Variants in CACNA1S observed in about 807,000 individuals in gnomAD.
The protein encoded by CACNA1S is calcium voltage-gated channel subunit alpha1 S.
CACNA1S carries 126 observed loss-of-function variants against 207.4 expected under a neutral mutation model. The observed-to-expected ratio is 0.61, with a 90% CI of 0.53 to 0.70. The LOEUF (loss-of-function observed/expected upper bound fraction) is 0.70. CACNA1S is among the 30% of genes least tolerant of loss of function. The pLI is 0.00. For missense variants in CACNA1S, 2,349 were observed against 2,422.8 expected (o/e 0.97, Z 0.64); for synonymous variants, 960 against 932.7 (o/e 1.03, Z -0.53).
At position 201,047,514 on chromosome 1, in the gene CACNA1S, G is replaced by C; in HGVS notation, c.4543+11C>G. 6.2e-7 allele frequency: 1 copy of C among 1,607,004 alleles called. No homozygotes were observed. Among genetic ancestry groups the C allele is most frequent in the Non-Finnish European group, 8.5e-7 (1 of 1,173,596 alleles). On this transcript the variant is annotated intron_variant, in intron 37 of 43. Coordinates refer to ENST00000362061, the MANE Select transcript of CACNA1S (RefSeq NM_000069.3). Reference sequence around the variant, plus strand: ...TGCTTCTGGACTCTGGTCCCCCAAAGTAGCACCTACCTCCTATTGGAGGGA... The same window carrying C: ...TGCTTCTGGACTCTGGTCCCCCAAACTAGCACCTACCTCCTATTGGAGGGA...
chr1:201,041,936 G>C (rs1660243578), intron 40 of CACNA1S: 2 of 385,002 alleles, frequency 5.2e-6, no homozygotes, highest in Non-Finnish European at 9.9e-6. Flanking sequence ...GCTCAAAGGT[G>C]AGTGGTGGCT....
At position 201,040,323 on chromosome 1, in the gene CACNA1S, C is replaced by A. The variant is rs1660103518; in HGVS notation, c.5278G>T (p.Gly1760Trp). 2 of 1,613,860 alleles carry A rather than the reference C, an allele frequency of 1.2e-6. No homozygotes were observed. Among genetic ancestry groups the A allele is most frequent in the South Asian group, 1.1e-5 (1 of 91,034 alleles). ...TGGGGTGTCTCCTCATGAAGAGACC[C>A]TGGTGTGGAGCTCTTTCTGTCCTCA... ...MPEDRKSSTPGSLHEETPHSR... is the reference protein window; with the variant it reads ...MPEDRKSSTPWSLHEETPHSR... The change falls in exon 43 of 44, where the codon GGG (glycine) becomes TGG (tryptophan). Residue 1760 changes from glycine (G) to tryptophan (W), a missense_variant. Gly to Trp is a radical substitution (Grantham distance 184). Transcript: ENST00000362061.
intron 9 of CACNA1S, 51 bp downstream of exon 9, chr1:201,084,899 T>C (rs1056770966): frequency 2.4e-6 from 3 of 1,245,332 alleles, no homozygotes; most frequent in Non-Finnish European, 3.5e-6. Flanking sequence ...TACCCTCATG[T>C]CTCAGGGAGC....
intron 29 of CACNA1S, 102 bp downstream of exon 29, chr1:201,054,403 G>T: frequency 1.6e-6 from 2 of 1,236,968 alleles, no homozygotes; most frequent in Non-Finnish European, 2.4e-6. Flanking sequence ...AGCCCTGAGT[G>T]CTGATCCACC....
chr1:201,054,523 AC>A lies in CACNA1S; in HGVS notation c.3647del (p.Gly1216ValfsTer26). 6.2e-7 allele frequency: 1 copy of A among 1,613,798 alleles called. No individual in the cohort carries two copies. Among genetic ancestry groups the A allele is most frequent in the Non-Finnish European group, 8.5e-7 (1 of 1,179,882 alleles). The stretch of plus-strand genomic sequence containing the variant: ...AAATTACAACGTTCCCGCAGCCTCC[AC>A]CCAGGCAATACAGTCCCCCGCTGGA... Reference protein sequence around the residue: ...LASSGGLYCLGGGCGNVDPDE... With the variant: ...LASSGGLYCLXGGCGNVDPDE... On this transcript the variant is annotated frameshift_variant, in exon 29 of 44. Coordinates refer to ENST00000362061, the MANE Select transcript of CACNA1S (RefSeq NM_000069.3). LOFTEE classifies it high-confidence loss of function.
chr1:201,081,270 G>A (rs984069660), intron 10 of CACNA1S, among the ~76,000 whole-genome samples: 17 of 152,224 alleles, frequency 1.1e-4, no homozygotes, highest in African/African-American at 3.9e-4. Context: ...TCACAAGCTC[G>A]CTGCTCTGGC....
At chr1:201,045,056 A>G (rs1056254599) in intron 38 of CACNA1S, among the ~76,000 whole-genome samples, 1 of 152,218 alleles carries the variant, frequency 6.6e-6, no homozygotes, top group African/African-American at 2.4e-5. Context: ...CTTACTCAGT[A>G]CAGTCTTCTA....
chr1:201,054,763 G>C (rs1660778525), intron 28 of CACNA1S, among the ~76,000 whole-genome samples: 2 of 152,192 alleles, frequency 1.3e-5, no homozygotes, highest in South Asian at 4.1e-4. Context: ...TGTGGGAACT[G>C]TGAGGCAAGA....
intron 10 of CACNA1S, among the ~76,000 whole-genome samples, chr1:201,082,404 C>T (rs953314120): frequency 1.3e-5 from 2 of 152,206 alleles, no homozygotes; most frequent in African/African-American, 4.8e-5. Flanking sequence ...TTGCCACTCT[C>T]TTAGTCACAT....
Position 201,074,506 on chromosome 1 carries a change from T to C in CACNA1S, c.2063A>G (p.Lys688Arg). Residue 688 changes from lysine (K) to arginine (R), a missense_variant and splice_region_variant, in exon 14 of 44, where the codon AAG becomes AGG. By Grantham distance (26) the Lys-to-Arg change is conservative. Transcript: ENST00000362061. ...CCCTTCCTGCTAAGGAAGCACTCAC[T>C]TGGACATCTTCCTGCGTTTTTTCTC... ...AEEKKRRKMS[K>R]GLPDKSEEEK... 1 of 1,600,106 alleles carries C rather than the reference T, an allele frequency of 6.2e-7. No individual in the cohort carries two copies. Among genetic ancestry groups the C allele is most frequent in the Non-Finnish European group, 8.6e-7 (1 of 1,167,500 alleles).
intron 2 of CACNA1S, among the ~76,000 whole-genome samples, chr1:201,097,309 G>A (rs571179568): frequency 1.3e-5 from 2 of 152,124 alleles, no homozygotes; most frequent in Admixed American, 1.3e-4. Context: ...ATCCAAATGC[G>A]TTTCCGTGGC....
At position 201,085,735 on chromosome 1, in the gene CACNA1S, G is replaced by A. The variant is rs188358034; in HGVS notation, c.1005-154C>T. Among the ~76,000 whole-genome samples the A allele has an allele frequency of 4.9e-3, 744 of 152,050 alleles. 6 individuals carry two copies. The highest frequency in any genetic ancestry group is 7.3e-3 in the Non-Finnish European group (496 of 67,962). On this transcript the variant is annotated intron_variant, in intron 7 of 43. Coordinates refer to ENST00000362061, the MANE Select transcript of CACNA1S (RefSeq NM_000069.3). ...GCCTGGGGTCCAGGTGCCCCTCAAG[G>A]TGGCTGAGAGACAGCCCCTCTCACT...
intron 2 of CACNA1S, among the ~76,000 whole-genome samples, chr1:201,107,604 C>T (rs1184655826): frequency 1.3e-5 from 2 of 152,162 alleles, no homozygotes; most frequent in Non-Finnish European, 1.5e-5. Context: ...AACCTTAGGC[C>T]TCCTTTCTTG....
rs112683115 is a variant in CACNA1S at position 201,061,966 on chromosome 1, A to G, written c.3031T>C (p.Ser1011Pro). ...CACTGAGGCCATCCCTCGAAGGTGG[A>G]GACCGTGAAGAGGGACATCATGGCT... ...LSAMMSLFTV[S>P]TFEGWPQLLY... The change falls in exon 24 of 44, where the codon TCC becomes CCC. Residue 1011 changes from serine (S) to proline (P), a missense_variant. Transcript: ENST00000362061. 1 of 1,614,220 alleles carries G rather than the reference A, an allele frequency of 6.2e-7. No individual in the cohort carries two copies. Among genetic ancestry groups the G allele is most frequent in the Non-Finnish European group, 8.5e-7 (1 of 1,180,034 alleles).
rs146885451 is a variant in CACNA1S at position 201,043,413 on chromosome 1, T to A, written c.4916A>T (p.Glu1639Val). The change falls in exon 40 of 44, where the codon GAG (glutamate) becomes GTG (valine). Residue 1639 changes from glutamate (E) to valine (V), a missense_variant. By Grantham distance (121) the Glu-to-Val change is moderately radical. Transcript: ENST00000362061. The stretch of plus-strand genomic sequence containing the variant: ...GAAGTCCTCCAAGAAGACAGGTGAC[T>A]CCATCTCTTCCATCTCTATCTCAGC... ...QFAEIEMEEMESPVFLEDFPQ... is the reference protein window; with the variant it reads ...QFAEIEMEEMVSPVFLEDFPQ... 96 of 1,614,156 alleles carry A rather than the reference T, an allele frequency of 5.9e-5. No individual in the cohort carries two copies. Among genetic ancestry groups the A allele is most frequent in the Non-Finnish European group, 7.8e-5 (92 of 1,180,016 alleles).
chr1:201,079,173 A>G (rs550367461), intron 10 of CACNA1S, among the ~76,000 whole-genome samples: 1 of 150,176 alleles, frequency 6.7e-6, no homozygotes, highest in Admixed American at 6.6e-5. Context: ...TCTATCTTCT[A>G]TCCTAGCTCT....
intron 2 of CACNA1S, among the ~76,000 whole-genome samples, chr1:201,097,672 T>C (rs1004066456): frequency 6.6e-6 from 1 of 152,206 alleles, no homozygotes; most frequent in Non-Finnish European, 1.5e-5. Context: ...TCTCCATGGC[T>C]TCTCTGCCCC....
In CACNA1S at chr1:201,040,032, G is replaced by A. The variant is rs1410326000; in HGVS notation, c.5421C>T (p.Ile1807=). 1 of 1,614,230 alleles carries A rather than the reference G, an allele frequency of 6.2e-7. No individual in the cohort carries two copies. Among genetic ancestry groups the A allele is most frequent in the South Asian group, 1.1e-5 (1 of 91,090 alleles). Residue 1807 remains isoleucine, a synonymous_variant, in exon 44 of 44, where the codon ATC becomes ATT. Transcript: ENST00000362061. ...LGTLAADANF[I]MATGQALADA... The stretch of plus-strand genomic sequence containing the variant: ...CTGCCAGGGCCTGGCCTGTTGCCAT[G>A]ATGAAGTTTGCATCAGCTGCCAAGG...
Position 201,089,243 on chromosome 1 carries a change from C to G in CACNA1S, c.900+15G>C. 1.2e-6 allele frequency: 2 copies of G among 1,613,158 alleles called. No homozygotes were observed. The highest frequency in any genetic ancestry group is 1.7e-6 in the Non-Finnish European group (2 of 1,179,108). ...ATGAAGGGAGATGGTTCTGCAGGCG[C>G]GGGCCCAGACCCACCCAGTAAAGGA... On this transcript the variant is annotated intron_variant, in intron 6 of 43. Transcript: ENST00000362061.
Sources: gnomAD v4.1 joint callset for allele counts (sites outside exome capture counted in the v4.1 genomes callset) on GRCh38, gnomAD v4.1.1 for gene constraint, MANE v1.5 for transcripts, NCBI Gene and HGNC (gene_info 2026-07-23, HGNC 2026-07-21) for gene names.